Variants in ERC1 observed in about 807,000 individuals in gnomAD.
ERC1 encodes the protein RAB6 interacting protein 2.
In ERC1, 56 loss-of-function variants were observed where a neutral mutation model predicts 132.0. The ratio of observed to expected loss-of-function variants is 0.42; its 90% CI spans 0.34 to 0.53. The LOEUF is 0.53. Ranked by LOEUF, ERC1 falls within the 20% of genes least tolerant of loss-of-function variation. ERC1 has a pLI of 0.03. For missense variants in ERC1, 1,202 were observed against 1,349.9 expected (o/e 0.89, Z 1.72); for synonymous variants, 478 against 476.1 (o/e 1.00, Z -0.05).
chr12:1,106,409 ATAT>A, intron 4 of ERC1, among the ~76,000 whole-genome samples: 1 of 152,216 alleles, frequency 6.6e-6, no homozygotes, highest in East Asian at 1.9e-4. Context: ...CCTTCATTTA[ATAT>A]TTGTTGATAT....
intron 14 of ERC1, among the ~76,000 whole-genome samples, chr12:1,276,317 A>G (rs1594728885): frequency 6.6e-6 from 1 of 150,634 alleles, no homozygotes; most frequent in Admixed American, 6.6e-5. Context: ...GCTCACTGCA[A>G]CCTCCGCCTC....
intron 8 of ERC1, among the ~76,000 whole-genome samples, chr12:1,172,680 C>A (rs527824728): frequency 6.6e-6 from 1 of 151,518 alleles, no homozygotes; most frequent in Non-Finnish European, 1.5e-5. Flanking sequence ...GTAGTGATTT[C>A]TTTCTATGTC....
intron 8 of ERC1, among the ~76,000 whole-genome samples, chr12:1,168,479 C>CTTTTTTT (rs746267742): frequency 2.2e-5 from 2 of 91,986 alleles, no homozygotes; most frequent in East Asian, 2.7e-4. Flanking sequence ...AGTGACTGGT[C>CTTTTTTT]TTTTTTTTTT....
At chr12:1,035,582 A>G (rs1387679403) in intron 2 of ERC1, among the ~76,000 whole-genome samples, 1 of 152,124 alleles carries the variant, frequency 6.6e-6, no homozygotes, top group Non-Finnish European at 1.5e-5. Flanking sequence ...TGTTTGACAA[A>G]GAATGAAAAT....
chr12:1,026,256 G>A (rs1011897245), intron 1 of ERC1, among the ~76,000 whole-genome samples: 2 of 152,090 alleles, frequency 1.3e-5, no homozygotes, highest in Non-Finnish European at 2.9e-5. Flanking sequence ...CCCATGAGAC[G>A]CACTCACTAC....
chr12:999,896 G>T (rs949234646), intron 1 of ERC1, among the ~76,000 whole-genome samples: 8 of 152,074 alleles, frequency 5.3e-5, no homozygotes, highest in Non-Finnish European at 1.0e-4. Flanking sequence ...TGCCCAGCCC[G>T]CTAGGTGATT....
intron 15 of ERC1, among the ~76,000 whole-genome samples, chr12:1,311,606 A>G (rs1455377758): frequency 1.3e-5 from 2 of 151,778 alleles, no homozygotes; most frequent in Admixed American, 1.3e-4. Context: ...TTTTCTATGT[A>G]TGTGAAGTGG....
At chr12:1,264,642 C>T (rs1293489909) in intron 14 of ERC1, among the ~76,000 whole-genome samples, 1 of 151,422 alleles carries the variant, frequency 6.6e-6, no homozygotes, top group Non-Finnish European at 1.5e-5. Context: ...CCAGCCTGGG[C>T]GACAGAGCGA....
At chr12:1,342,896 T>C (rs1212628209) in intron 15 of ERC1, among the ~76,000 whole-genome samples, 1 of 152,174 alleles carries the variant, frequency 6.6e-6, no homozygotes, top group East Asian at 1.9e-4. Flanking sequence ...TTCAGGAAGA[T>C]CGTGCTGACC....
At chr12:1,444,414 C>T (rs1375520936) in intron 17 of ERC1, 148 bp from the exon 18 acceptor site, 1 of 571,044 alleles carries the variant, frequency 1.8e-6, no homozygotes, top group African/African-American at 1.9e-5. Context: ...TTCTGTAATC[C>T]TGAAGATTTC....
intron 8 of ERC1, among the ~76,000 whole-genome samples, chr12:1,173,381 G>T (rs571099420): frequency 6.6e-6 from 1 of 152,088 alleles, no homozygotes; most frequent in Non-Finnish European, 1.5e-5. Flanking sequence ...TAGAATCGTC[G>T]TTCTTGTTAT....
chr12:1,440,203 T>C (rs1383684325), intron 17 of ERC1, among the ~76,000 whole-genome samples: 5 of 144,542 alleles, frequency 3.5e-5, no homozygotes, highest in African/African-American at 8.2e-5. Context: ...CTTTCTCTTT[T>C]TTTTTTTTTT....
At chr12:1,052,055 G>A (rs1429893873) in intron 2 of ERC1, among the ~76,000 whole-genome samples, 1 of 151,746 alleles carries the variant, frequency 6.6e-6, no homozygotes, top group African/African-American at 2.4e-5. Context: ...AATAGCAAGA[G>A]CTTTTAAATT....
chr12:1,006,906 C>A (rs1043839228), intron 1 of ERC1, among the ~76,000 whole-genome samples: 3 of 150,316 alleles, frequency 2.0e-5, no homozygotes, highest in African/African-American at 4.9e-5. Flanking sequence ...GTTCCTCATT[C>A]AAAAAATATG....
At chr12:1,289,110 C>G (rs1208321159) in intron 14 of ERC1, among the ~76,000 whole-genome samples, 60 of 146,618 alleles carry the variant, frequency 4.1e-4, no homozygotes, top group Non-Finnish European at 6.9e-4. Context: ...CACACACACA[C>G]ACACACACAC....
intron 12 of ERC1, among the ~76,000 whole-genome samples, chr12:1,236,262 TATG>T (rs1291429862): frequency 2.0e-4 from 30 of 152,134 alleles, no homozygotes; most frequent in Admixed American, 2.0e-3. Context: ...CAGAAGTAAA[TATG>T]ATGTTCCATT....
At chr12:1,215,285 AATGTACT>A (rs568805982) in intron 12 of ERC1, among the ~76,000 whole-genome samples, 2 of 150,088 alleles carry the variant, frequency 1.3e-5, no homozygotes, top group South Asian at 2.1e-4. Context: ...ATGATGTCAT[AATGTACT>A]ATAAGCAGCA....
chr12:1,135,043 T>C (rs1224214722), intron 7 of ERC1, among the ~76,000 whole-genome samples: 3 of 152,136 alleles, frequency 2.0e-5, no homozygotes, highest in African/African-American at 7.2e-5. Flanking sequence ...TCAGTAATCT[T>C]TAAGAGTGCT....
chr12:1,031,029 T>C (rs1967935869), intron 2 of ERC1, among the ~76,000 whole-genome samples: 1 of 152,212 alleles, frequency 6.6e-6, no homozygotes, highest in Admixed American at 6.5e-5. Context: ...TAATTTAAGA[T>C]TTCGGTTGAT....
Sources: allele counts gnomAD v4.1 joint callset (sites outside exome capture counted in the v4.1 genomes callset), GRCh38; gene constraint gnomAD v4.1.1; transcripts MANE v1.5; gene names NCBI Gene and HGNC (gene_info 2026-07-23, HGNC 2026-07-21).